ERICH1: variants seen among roughly 807,000 people sequenced by gnomAD.
The protein encoded by ERICH1 is glutamate rich 1.
In ERICH1, 56 loss-of-function variants were observed where a neutral mutation model predicts 39.6. That is an observed-to-expected ratio of 1.41 (90% confidence interval 1.14 to 1.77). The LOEUF (loss-of-function observed/expected upper bound fraction) is 1.77, where lower values mean the gene tolerates loss of function less well. ERICH1 is among the 40% of genes most tolerant of loss of function. The probability of loss-of-function intolerance (pLI) is 0.00; values close to 1 mark genes in which losing one functional copy is unlikely to be tolerated. For synonymous variants in ERICH1, 313 were observed against 223.6 expected, an observed-to-expected ratio of 1.40 and a Z score of -3.57; for missense variants, 826 against 575.4, an observed-to-expected ratio of 1.44 and a Z score of -4.45.
In ERICH1 at chr8:616,994, A is replaced by G; in HGVS notation, c.977-1710T>C. 1.4e-5 allele frequency among the ~76,000 whole-genome samples: 2 copies of G among 145,318 alleles called. 1 individual carries two copies. The highest frequency in any genetic ancestry group is 3.0e-5 in the Non-Finnish European group (2 of 66,312). On this transcript the variant is annotated intron_variant, in intron 3 of 3. Coordinates refer to the ERICH1 transcript ENST00000522706. The stretch of plus-strand genomic sequence containing the variant: ...AGAGAGAGAGAGAGACATTGGTTAT[A>G]TAAGCGAGCAAATATCCAGAAGGAA...
downstream of ERICH1, among the ~76,000 whole-genome samples, chr8:660,537 C>A (rs1369881921): frequency 1.3e-5 from 2 of 152,232 alleles, no homozygotes; most frequent in Non-Finnish European, 2.9e-5. Context: ...CGTGAGTCCC[C>A]ACACAGAGGT....
chr8:710,137 C>T (rs560345614), intron 2 of ERICH1, among the ~76,000 whole-genome samples: 1 of 152,166 alleles, frequency 6.6e-6, no homozygotes, highest in Non-Finnish European at 1.5e-5. Context: ...ACGTTGCCAC[C>T]CCGGTCTGCA....
intron 4 of ERICH1, chr8:669,015 G>C (rs969424655): frequency 5.5e-6 from 3 of 542,702 alleles, no homozygotes; most frequent in Non-Finnish European, 9.7e-6. Context: ...ACCTCTGTCT[G>C]GTGAGACGCC....
intron 2 of ERICH1, among the ~76,000 whole-genome samples, chr8:714,784 G>A (rs866241331): frequency 1.7e-5 from 2 of 115,436 alleles, no homozygotes; most frequent in Non-Finnish European, 3.8e-5. Flanking sequence ...GGCCTCTTCC[G>A]GCATCTCTCG....
chr8:656,916 C>T (rs1464791803), intron 3 of ERICH1: 1 of 867,558 alleles, frequency 1.2e-6, no homozygotes, highest in Non-Finnish European at 1.4e-6. Flanking sequence ...ATAAACAATA[C>T]ACTCCTTATA....
chr8:637,419 C>G (rs1037057737), intron 3 of ERICH1: 2 of 152,330 alleles, frequency 1.3e-5, no homozygotes, highest in Non-Finnish European at 2.9e-5. Flanking sequence ...TCCATCCTCA[C>G]CACGTGCTTG....
intron 4 of ERICH1, among the ~76,000 whole-genome samples, chr8:669,770 A>G (rs1585154075): frequency 6.6e-6 from 1 of 152,236 alleles, no homozygotes; most frequent in East Asian, 1.9e-4. Flanking sequence ...ATCAAGGAGA[A>G]CTGAAAACAA....
chr8:635,840 G>T (rs1798396557), intron 3 of ERICH1, among the ~76,000 whole-genome samples: 1 of 152,234 alleles, frequency 6.6e-6, no homozygotes. Context: ...GCTCACCAAA[G>T]TTTGTGTTCA....
chr8:710,326 C>G (rs555164377), intron 2 of ERICH1, among the ~76,000 whole-genome samples: 1 of 151,496 alleles, frequency 6.6e-6, no homozygotes, highest in East Asian at 2.0e-4. Context: ...TGCAAGTCCT[C>G]TGGGCTCCAC....
intron 1 of ERICH1, among the ~76,000 whole-genome samples, chr8:718,507 T>C (rs139505023): frequency 6.6e-6 from 1 of 152,340 alleles, no homozygotes; most frequent in East Asian, 1.9e-4. Flanking sequence ...ATATCTGATA[T>C]AGGTGTACAG....
chr8:678,518 T>A (rs1157249558), intron 3 of ERICH1, among the ~76,000 whole-genome samples: 1 of 152,198 alleles, frequency 6.6e-6, no homozygotes, highest in Non-Finnish European at 1.5e-5. Flanking sequence ...AACTTCAGGC[T>A]TAGATAGGTT....
At chr8:624,942 G>C (rs1487306962) in intron 3 of ERICH1, among the ~76,000 whole-genome samples, 1 of 152,072 alleles carries the variant, frequency 6.6e-6, no homozygotes, top group Non-Finnish European at 1.5e-5. Flanking sequence ...TAGCCAGGAT[G>C]GTCTTGATCT....
At chr8:626,571 A>G (rs1431906225) in intron 3 of ERICH1, 2 of 158,246 alleles carry the variant, frequency 1.3e-5, no homozygotes, top group African/African-American at 4.8e-5. Flanking sequence ...CAGTTCAGAG[A>G]CACAGTTCCC....
intron 1 of ERICH1, among the ~76,000 whole-genome samples, chr8:716,367 AG>A (rs572776357): frequency 6.0e-4 from 91 of 152,368 alleles, no homozygotes; most frequent in Middle Eastern, 3.4e-3. Flanking sequence ...GACCCCTGTC[AG>A]TGGGGGCTGT....
intron 3 of ERICH1, among the ~76,000 whole-genome samples, chr8:683,970 G>C (rs1439861917): frequency 1.3e-5 from 2 of 152,186 alleles, no homozygotes; most frequent in Non-Finnish European, 2.9e-5. Context: ...GAATAGGCTT[G>C]AATTATACAT....
chr8:697,348 T>A (rs1447039576), intron 2 of ERICH1, among the ~76,000 whole-genome samples: 1 of 152,064 alleles, frequency 6.6e-6, no homozygotes, highest in African/African-American at 2.4e-5. Context: ...GAGAAGCCGG[T>A]GCAACGCCGA....
chr8:709,045 T>C (rs1452426677), intron 2 of ERICH1, among the ~76,000 whole-genome samples: 1 of 152,076 alleles, frequency 6.6e-6, no homozygotes, highest in Non-Finnish European at 1.5e-5. Flanking sequence ...ATGGTGGTAA[T>C]GGAATGGTTG....
At chr8:656,771 C>G (rs912467521) in intron 3 of ERICH1, 2 of 985,328 alleles carry the variant, frequency 2.0e-6, no homozygotes, top group African/African-American at 3.5e-5. Context: ...TTGTGCCAAA[C>G]GGTGCACAGC....
At chr8:668,277 C>T in intron 5 of ERICH1, 1 of 369,430 alleles carries the variant, frequency 2.7e-6, no homozygotes, top group South Asian at 2.6e-5. Context: ...CCATCTACCA[C>T]AGCAGTAGAG....
Sources: gnomAD v4.1 joint callset for allele counts (sites outside exome capture counted in the v4.1 genomes callset) on GRCh38, gnomAD v4.1.1 for gene constraint, MANE v1.5 for transcripts, NCBI Gene and HGNC (gene_info 2026-07-23, HGNC 2026-07-21) for gene names.